NCOA1: variants seen among roughly 807,000 people sequenced by gnomAD.
NCOA1 encodes the protein nuclear receptor coactivator 1, also known as Hin-2 protein.
Under a neutral mutation model 150.9 loss-of-function variants are expected in NCOA1, and 35 were observed. That is an observed-to-expected ratio of 0.23 (90% CI 0.18 to 0.31). NCOA1 has a LOEUF of 0.31. Among genes scored for constraint, NCOA1 ranks in the 10% least tolerant of loss-of-function variants. NCOA1 has a pLI of 1.00. For synonymous variants in NCOA1, 590 were observed against 630.0 expected, an observed-to-expected ratio of 0.94 and a Z score of 0.95; for missense variants, 1,491 against 1,749.3, an observed-to-expected ratio of 0.85 and a Z score of 2.63.
intron 22 of NCOA1, among the ~76,000 whole-genome samples, chr2:24,764,336 T>C (rs6759752): frequency 0.81 from 123,687 of 152,202 alleles, 51,981 homozygotes; most frequent in East Asian, 0.99. Context: ...TAAACTGTCA[T>C]AAAACCAAAG....
Position 24,589,148 on chromosome 2 carries a change from G to C in NCOA1, c.-175+4588G>C, listed in dbSNP as rs780531146. On this transcript the variant is annotated intron_variant, in intron 3 of 22. Transcript: ENST00000348332. ...CCTTGTAGTGGTGGAAGCACACCAA[G>C]ACCCTCAATCTATCTACTGTCTTTT... 2.6e-4 allele frequency among the ~76,000 whole-genome samples: 39 copies of C among 152,292 alleles called. 2 individuals are homozygous for C. Among genetic ancestry groups the C allele is most frequent in the Admixed American group, 6.5e-4 (10 of 15,306 alleles).
chr2:24,585,362 G>A (rs1348467695), intron 3 of NCOA1, among the ~76,000 whole-genome samples: 1 of 151,934 alleles, frequency 6.6e-6, no homozygotes, highest in Non-Finnish European at 1.5e-5. Context: ...TTTACTTTGT[G>A]ATTTTTTTTA....
intron 3 of NCOA1, among the ~76,000 whole-genome samples, chr2:24,621,923 G>A (rs1487924489): frequency 1.3e-5 from 2 of 152,194 alleles, no homozygotes; most frequent in Non-Finnish European, 2.9e-5. Context: ...CCTAATGTTT[G>A]ACCGTATACT....
chr2:24,553,067 G>A (rs978918074), intron 1 of NCOA1, among the ~76,000 whole-genome samples: 9 of 152,124 alleles, frequency 5.9e-5, no homozygotes, highest in African/African-American at 2.2e-4. Context: ...TTCATGTCTC[G>A]TTCGTCATCT....
intron 4 of NCOA1, among the ~76,000 whole-genome samples, chr2:24,658,371 C>A (rs554645711): frequency 9.3e-4 from 141 of 152,202 alleles, no homozygotes; most frequent in African/African-American, 3.3e-3. Flanking sequence ...AAAAAAAAAT[C>A]TCAGTATCTA....
chr2:24,525,905 A>G (rs187639777), intron 1 of NCOA1, among the ~76,000 whole-genome samples: 23 of 152,004 alleles, frequency 1.5e-4, no homozygotes, highest in Admixed American at 1.3e-3. Context: ...TTCTCTTCTT[A>G]TTGCTCCTAG....
At chr2:24,516,624 T>C (rs1298448823) in intron 1 of NCOA1, among the ~76,000 whole-genome samples, 2 of 151,828 alleles carry the variant, frequency 1.3e-5, no homozygotes, top group African/African-American at 4.8e-5. Flanking sequence ...TCAATGAATA[T>C]ATTAATACAG....
intron 20 of NCOA1, among the ~76,000 whole-genome samples, chr2:24,757,220 A>G (rs1664546869): frequency 6.6e-6 from 1 of 152,206 alleles, no homozygotes; most frequent in Non-Finnish European, 1.5e-5. Flanking sequence ...CCAGGGCTTG[A>G]GTAAAACCTG....
rs1489890630 is a variant in NCOA1 at position 24,576,157 on chromosome 2, T to TTGTTTTTTTGTTTTTTTG, written c.-259-8318_-259-8317insGTTTTTTTGTTTTTTTGT. Among the ~76,000 whole-genome samples, 73 of 94,322 alleles carry TTGTTTTTTTGTTTTTTTG rather than the reference T, an allele frequency of 7.7e-4. 2 individuals carry two copies. The highest frequency in any genetic ancestry group is 2.9e-3 in the African/African-American group (69 of 23,444). 61.9% of individuals were successfully genotyped at this position (94,322 alleles called of 152,430 possible). The stretch of plus-strand genomic sequence containing the variant: ...GAAATTATTTGGCCTTTGTTTTTTT[T>TTGTTTTTTTGTTTTTTTG]TTTTTGTTTTTTGTTTTTTTTTTTT... On this transcript the variant is annotated intron_variant, in intron 2 of 22. Coordinates refer to ENST00000348332, the MANE Select transcript of NCOA1 (RefSeq NM_003743.5).
intron 2 of NCOA1, among the ~76,000 whole-genome samples, chr2:24,576,145 C>CTTTTTTTTTT (rs1666945159): frequency 9.9e-6 from 1 of 101,036 alleles, no homozygotes; most frequent in African/African-American, 4.6e-5. Flanking sequence ...ATTATTTGGC[C>CTTTTTTTTTT]TTTGTTTTTT....
At chr2:24,682,550 T>TATGGA (rs1272498003) in intron 7 of NCOA1, among the ~76,000 whole-genome samples, 2 of 152,178 alleles carry the variant, frequency 1.3e-5, no homozygotes, top group Admixed American at 1.3e-4. Context: ...TGACTCGCCT[T>TATGGA]GTACCATATA....
Position 24,658,709 on chromosome 2 carries a change from C to T in NCOA1, c.32C>T (p.Pro11Leu). Reference protein sequence around the residue: MSGLGDSSSDPANPDSHKRKG... With the variant: MSGLGDSSSDLANPDSHKRKG... ...GGCCTCGGGGACAGTTCATCCGACC[C>T]TGCTAACCCAGACTCACATAAGAGG... The change falls in exon 5 of 23, where the codon CCT (proline) becomes CTT (leucine). Residue 11 changes from proline to leucine, a missense_variant. Coordinates refer to ENST00000348332, the MANE Select transcript of NCOA1 (RefSeq NM_003743.5). 6.2e-7 allele frequency: 1 copy of T among 1,614,094 alleles called. No homozygotes were observed. Among genetic ancestry groups the T allele is most frequent in the Non-Finnish European group, 8.5e-7 (1 of 1,179,962 alleles).
At chr2:24,633,582 T>C (rs1425713972) in intron 3 of NCOA1, among the ~76,000 whole-genome samples, 2 of 152,142 alleles carry the variant, frequency 1.3e-5, no homozygotes, top group Admixed American at 1.3e-4. Context: ...ATAGGAAATA[T>C]AAAAAGCAAA....
intron 11 of NCOA1, among the ~76,000 whole-genome samples, chr2:24,701,465 C>G (rs1314924019): frequency 6.7e-6 from 1 of 149,348 alleles, no homozygotes; most frequent in Non-Finnish European, 1.5e-5. Context: ...CTTGATCATG[C>G]TACTGCACTC....
intron 2 of NCOA1, among the ~76,000 whole-genome samples, chr2:24,578,512 C>CT (rs1186283278): frequency 6.6e-6 from 1 of 152,096 alleles, no homozygotes; most frequent in Non-Finnish European, 1.5e-5. Flanking sequence ...ATTTACAACA[C>CT]TAAGATTCCA....
intron 1 of NCOA1, among the ~76,000 whole-genome samples, chr2:24,527,636 A>G (rs1353790436): frequency 2.6e-5 from 4 of 152,216 alleles, no homozygotes; most frequent in Non-Finnish European, 5.9e-5. Flanking sequence ...GAGAGTGCAG[A>G]TATCTTTACA....
chr2:24,589,216 G>A (rs1667542800), intron 3 of NCOA1, among the ~76,000 whole-genome samples: 1 of 152,022 alleles, frequency 6.6e-6, no homozygotes, highest in Non-Finnish European at 1.5e-5. Flanking sequence ...GGCCACCGAG[G>A]TACTACCAGA....
intron 1 of NCOA1, among the ~76,000 whole-genome samples, chr2:24,498,353 C>T (rs1663314367): frequency 6.6e-6 from 1 of 152,156 alleles, no homozygotes; most frequent in Non-Finnish European, 1.5e-5. Flanking sequence ...AGATCCTGTT[C>T]TTAAGCAGAT....
At chr2:24,721,519 A>G (rs994599636) in intron 14 of NCOA1, among the ~76,000 whole-genome samples, 15 of 152,214 alleles carry the variant, frequency 9.9e-5, no homozygotes, top group Non-Finnish European at 2.1e-4. Flanking sequence ...TAGAAGCCCT[A>G]CTTCTCAGTT....
Sources: gnomAD v4.1 joint callset for allele counts (sites outside exome capture counted in the v4.1 genomes callset) on GRCh38, gnomAD v4.1.1 for gene constraint, MANE v1.5 for transcripts, NCBI Gene and HGNC (gene_info 2026-07-23, HGNC 2026-07-21) for gene names.